Variants in NME7 observed in about 807,000 individuals in gnomAD.
NME7 encodes nucleoside diphosphate kinase 7.
In NME7, 41 loss-of-function variants were observed where a neutral mutation model predicts 49.1. That is an observed-to-expected ratio of 0.83 (90% CI 0.65 to 1.08). The LOEUF (loss-of-function observed/expected upper bound fraction) is 1.08. NME7 is among the 50% of genes least tolerant of loss of function. The pLI is 0.00. For missense variants in NME7, 423 were observed against 463.4 expected (o/e 0.91, Z 0.80); for synonymous variants, 139 against 150.6 (o/e 0.92, Z 0.56).
chr1:169,210,905 A>G (rs540933691), intron 10 of NME7, among the ~76,000 whole-genome samples: 2 of 152,216 alleles, frequency 1.3e-5, no homozygotes, highest in East Asian at 3.9e-4. Context: ...AGGCCACATT[A>G]AATAAGACTT....
At chr1:169,311,333 G>A (rs1651378037) in intron 3 of NME7, among the ~76,000 whole-genome samples, 1 of 145,832 alleles carries the variant, frequency 6.9e-6, no homozygotes, top group Admixed American at 7.2e-5. Flanking sequence ...GCAGGAGAAT[G>A]ATGTGAACCC....
intron 1 of NME7, among the ~76,000 whole-genome samples, chr1:169,336,146 C>T (rs1652459888): frequency 6.6e-6 from 1 of 151,744 alleles, no homozygotes; most frequent in Admixed American, 6.6e-5. Context: ...TGTTACAGCT[C>T]TTAAGACAGC....
At chr1:169,317,459 A>G (rs905727706) in intron 3 of NME7, among the ~76,000 whole-genome samples, 1 of 152,222 alleles carries the variant, frequency 6.6e-6, no homozygotes, top group African/African-American at 2.4e-5. Flanking sequence ...CGTATAATCA[A>G]TAGCATGCCA....
chr1:169,316,511 G>A (rs1651633881), intron 3 of NME7, among the ~76,000 whole-genome samples: 2 of 152,050 alleles, frequency 1.3e-5, no homozygotes. Flanking sequence ...TACCTCACCT[G>A]CCAAAAAGGA....
At chr1:169,299,899 T>C (rs114535359) in intron 5 of NME7, among the ~76,000 whole-genome samples, 5 of 151,958 alleles carry the variant, frequency 3.3e-5, no homozygotes, top group African/African-American at 4.8e-5. Context: ...GAGCAAACCA[T>C]GTTTATTCAC....
intron 10 of NME7, among the ~76,000 whole-genome samples, chr1:169,198,341 G>A (rs1278890036): frequency 2.0e-5 from 3 of 151,972 alleles, no homozygotes; most frequent in Non-Finnish European, 4.4e-5. Flanking sequence ...ATATAACTCA[G>A]CAATACTACT....
At chr1:169,351,156 A>T (rs1653157935) in intron 1 of NME7, among the ~76,000 whole-genome samples, 1 of 152,136 alleles carries the variant, frequency 6.6e-6, no homozygotes, top group Non-Finnish European at 1.5e-5. Flanking sequence ...TGTGAAATGT[A>T]CTGATATTTT....
intron 11 of NME7, among the ~76,000 whole-genome samples, chr1:169,139,439 C>A (rs1029560538): frequency 2.6e-5 from 4 of 152,182 alleles, no homozygotes; most frequent in African/African-American, 9.7e-5. Flanking sequence ...TCAGAGCTCA[C>A]ACTAGGGATG....
At chr1:169,308,554 C>G (rs1336260097) in intron 4 of NME7, among the ~76,000 whole-genome samples, 4 of 152,156 alleles carry the variant, frequency 2.6e-5, no homozygotes, top group African/African-American at 9.7e-5. Flanking sequence ...ATACTCATCT[C>G]CCTTCTTCAT....
chr1:169,206,455 A>G (rs926491504), intron 10 of NME7, among the ~76,000 whole-genome samples: 5 of 152,098 alleles, frequency 3.3e-5, no homozygotes, highest in Admixed American at 3.3e-4. Context: ...GACAAGGAAT[A>G]AAAAGGAAGA....
chr1:169,160,003 T>TA (rs1457939108), intron 11 of NME7, among the ~76,000 whole-genome samples: 1 of 152,148 alleles, frequency 6.6e-6, no homozygotes, highest in African/African-American at 2.4e-5. Context: ...TACATATCTC[T>TA]AGTGACTGAT....
chr1:169,271,777 A>G (rs1230648488), intron 7 of NME7, among the ~76,000 whole-genome samples: 1 of 132,838 alleles, frequency 7.5e-6, no homozygotes, highest in African/African-American at 2.6e-5. Context: ...AAATAAAAAT[A>G]AAAATCTTTC....
intron 1 of NME7, among the ~76,000 whole-genome samples, chr1:169,336,199 G>A (rs1381163623): frequency 6.6e-6 from 1 of 151,924 alleles, no homozygotes; most frequent in Non-Finnish European, 1.5e-5. Context: ...TCGTGGTCTC[G>A]CTGGGCTCAG....
intron 1 of NME7, among the ~76,000 whole-genome samples, chr1:169,327,694 A>C (rs987768561): frequency 1.3e-5 from 2 of 152,334 alleles, no homozygotes; most frequent in East Asian, 3.9e-4. Flanking sequence ...TATAAGTTTT[A>C]TAACAAAAAA....
intron 4 of NME7, 172 bp from the exon 5 acceptor site, chr1:169,303,367 T>G (rs1651029678): frequency 2.9e-6 from 1 of 346,992 alleles, no homozygotes. Context: ...AAATATTTTT[T>G]AAGTATGAGT....
chr1:169,337,440 G>A (rs559257560), intron 1 of NME7, among the ~76,000 whole-genome samples: 1 of 152,312 alleles, frequency 6.6e-6, no homozygotes, highest in Admixed American at 6.5e-5. Flanking sequence ...ACACAGCCCT[G>A]GTTCCCGCTC....
intron 10 of NME7, among the ~76,000 whole-genome samples, chr1:169,224,746 A>G (rs1179778130): frequency 6.6e-6 from 1 of 152,092 alleles, no homozygotes; most frequent in Non-Finnish European, 1.5e-5. Context: ...ACCATCAACT[A>G]TTTATCAAGT....
chr1:169,183,363 A>G (rs1004696839), intron 10 of NME7, among the ~76,000 whole-genome samples: 4 of 152,222 alleles, frequency 2.6e-5, no homozygotes, highest in African/African-American at 9.6e-5. Context: ...TTACTATTAT[A>G]TATTTTAAAT....
rs191999332 is a variant in NME7, at chr1:169,347,428, C to T, written c.3+20280G>A. Among the ~76,000 whole-genome samples, 122 of 151,926 alleles carry T rather than the reference C, an allele frequency of 8.0e-4. No individual in the cohort carries two copies. The Middle Eastern group carries it at 0.017, about 21-fold the overall frequency. ...TATAAAGCTTTGGGAGGAAGATGGA[C>T]GTTGGCAAGTTTAACAAACAAAGCC... is the stretch of plus-strand genomic sequence containing the variant. On this transcript the variant is annotated intron_variant, in intron 1 of 11. Transcript: ENST00000367811.
Sources: gnomAD v4.1 joint callset for allele counts (sites outside exome capture counted in the v4.1 genomes callset) on GRCh38, gnomAD v4.1.1 for gene constraint, MANE v1.5 for transcripts, NCBI Gene and HGNC (gene_info 2026-07-23, HGNC 2026-07-21) for gene names.